SHARPIN: variants seen among roughly 807,000 people sequenced by gnomAD.
The protein encoded by SHARPIN is SHANK associated RH domain interactor.
SHARPIN carries 25 observed loss-of-function variants against 40.3 expected under a neutral mutation model. That is an observed-to-expected ratio of 0.62 (90% confidence interval 0.45 to 0.87). SHARPIN has a LOEUF of 0.87. Among genes scored for constraint, SHARPIN ranks in the 40% least tolerant of loss-of-function variants. The probability of loss-of-function intolerance (pLI) is 0.00; values close to 1 mark genes in which losing one functional copy is unlikely to be tolerated. For synonymous variants in SHARPIN, 274 were observed against 221.8 expected (o/e 1.24, Z -2.09); for missense variants, 551 against 516.1 (o/e 1.07, Z -0.66).
rs764157250 is a variant in SHARPIN at position 144,099,277 on chromosome 8, C to A, written c.922G>T (p.Ala308Ser). 1 of 1,613,968 alleles carries A rather than the reference C, an allele frequency of 6.2e-7. No homozygotes were observed. The highest frequency in any genetic ancestry group is 1.3e-5 in the African/African-American group (1 of 74,910). Residue 308 changes from alanine to serine, a missense_variant and splice_region_variant, in exon 6 of 9, where the codon GCC becomes TCC. By Grantham distance (99) the Ala-to-Ser change is moderately conservative. Coordinates refer to ENST00000398712, the MANE Select transcript of SHARPIN (RefSeq NM_030974.4). The part of the protein sequence containing the change: ...YLLSAPREAP[A>S]TGPSPQHPQK... ...CACCCCACCCCCATCGAGGACTGAC[C>A]TGGGGCTTCTCGAGGAGCTGACAGC...
Position 144,103,603 on chromosome 8 carries a change from C to A in SHARPIN, c.151G>T (p.Glu51Ter). The change falls in exon 1 of 9, where the codon GAG (glutamate) becomes TAG (stop). Residue 51 changes from glutamate to a stop codon, truncating the protein, a stop_gained. Coordinates refer to ENST00000398712, the MANE Select transcript of SHARPIN (RefSeq NM_030974.4). LOFTEE classifies it high-confidence loss of function. ...TCCAGCCGGAAGCGCCCAGGCCGCT[C>A]AGGGTCCGCGCTCAGCTGCAGCCTC... ...LRRLQLSADP[E>*]RPGRFRLELL... 6.5e-7 allele frequency: 1 copy of A among 1,530,586 alleles called. No individual in the cohort carries two copies. Among genetic ancestry groups the A allele is most frequent in the South Asian group, 1.2e-5 (1 of 83,814 alleles). 94.8% of individuals were successfully genotyped at this position (1,530,586 alleles called of 1,614,324 possible).
At chr8:144,102,944 C>A (rs967465009) in intron 2 of SHARPIN, 107 bp downstream of exon 2, 5 of 1,403,464 alleles carry the variant, frequency 3.6e-6, no homozygotes, top group Non-Finnish European at 4.0e-6. Flanking sequence ...CTCCTGGAAG[C>A]CTTCCCAGAC....
In SHARPIN at chr8:144,099,196, G is replaced by A. The variant is rs35844464; in HGVS notation, c.932C>T (p.Pro311Leu). The stretch of plus-strand genomic sequence containing the variant: ...CATCTTCTGGGGGTGCTGAGGGCTA[G>A]GTCCTGTGGCTGAGGGGGTGGAGCT... ...SAPREAPATG[P>L]SPQHPQKMDG... The change falls in exon 7 of 9, where the codon CCT (proline) becomes CTT (leucine). Residue 311 changes from proline (P) to leucine (L), a missense_variant. Coordinates refer to ENST00000398712, the MANE Select transcript of SHARPIN (RefSeq NM_030974.4). 1.2e-5 allele frequency: 20 copies of A among 1,604,902 alleles called. No individual in the cohort carries two copies. The highest frequency in any genetic ancestry group is 1.5e-5 in the Non-Finnish European group (18 of 1,176,532).
intron 1 of SHARPIN, 46 bp from the exon 2 acceptor site, chr8:144,103,271 A>G (rs752991344): frequency 1.9e-6 from 3 of 1,549,840 alleles, no homozygotes; most frequent in African/African-American, 2.7e-5. Flanking sequence ...CCCGCCCTAC[A>G]TCGCACGAGG....
chr8:144,099,015 G>A, intron 7 of SHARPIN, 21 bp from the exon 8 acceptor site: 1 of 1,597,244 alleles, frequency 6.3e-7, no homozygotes, highest in Non-Finnish European at 8.5e-7. Flanking sequence ...AGAGACAGTT[G>A]TTGCTTCCCT....
chr8:144,103,221 T>C lies in SHARPIN; in HGVS notation c.206A>G (p.Asn69Ser). The C allele has an allele frequency of 6.2e-7, 1 of 1,604,766 alleles. No individual in the cohort carries two copies. Among genetic ancestry groups the C allele is most frequent in the Non-Finnish European group, 8.5e-7 (1 of 1,175,340 alleles). The change falls in exon 2 of 9, where the codon AAT becomes AGT. Residue 69 changes from asparagine to serine, a missense_variant. Physicochemically the swap from Asn to Ser is conservative, Grantham distance 46. Coordinates refer to ENST00000398712, the MANE Select transcript of SHARPIN (RefSeq NM_030974.4). ...ELLGAGPGAV[N>S]LEWPLESVSY... ...AACTGACTCCAGGGGCCACTCCAAA[T>C]TAACCTGAGAAGAGGGAGAGTCCAG...
intron 1 of SHARPIN, 138 bp from the exon 2 acceptor site, chr8:144,103,363 G>T: frequency 8.9e-7 from 1 of 1,128,274 alleles, no homozygotes; most frequent in Non-Finnish European, 1.2e-6. Context: ...CCTCACAATA[G>T]CCCTGTAAAG....
intron 2 of SHARPIN, 175 bp downstream of exon 2, chr8:144,102,876 A>T (rs1836316370): frequency 1.3e-6 from 1 of 752,064 alleles, no homozygotes; most frequent in African/African-American, 1.8e-5. Context: ...ATGGTGTAGG[A>T]GACTGACTCC....
rs1482965581 is a variant in SHARPIN at position 144,103,767 on chromosome 8, G to A, written c.-14C>T. The A allele has an allele frequency of 5.9e-6, 8 of 1,358,048 alleles. 1 individual carries two copies. The Admixed American group carries it at 2.3e-4, about 40-fold the overall frequency. 84.1% of individuals were successfully genotyped at this position (1,358,048 alleles called of 1,614,324 possible). On this transcript the variant is annotated 5_prime_UTR_variant, in exon 1 of 9. Coordinates refer to ENST00000398712, the MANE Select transcript of SHARPIN (RefSeq NM_030974.4). ...TGGCGGCGCCATCTCCGGTCCGGCC[G>A]GGTCCCACCCCTCCGAGCGCGCTTC...
At position 144,103,645 on chromosome 8, in the gene SHARPIN, C is replaced by G; in HGVS notation, c.109G>C (p.Ala37Pro). 6.6e-7 allele frequency: 1 copy of G among 1,524,732 alleles called. No homozygotes were observed. Among genetic ancestry groups the G allele is most frequent in the Non-Finnish European group, 8.8e-7 (1 of 1,142,818 alleles). The allele number at this position is 1,524,732 out of a possible 1,614,324, so 94.5% of individuals were successfully genotyped here. The change falls in exon 1 of 9, where the codon GCC becomes CCC. Residue 37 changes from alanine to proline, a missense_variant. Transcript: ENST00000398712. Reference sequence around the variant, plus strand: ...TGCAGCCTCCGCAGCTGTGCCTCGGCGTCTGGCCCGGCGCCCAGCGGCCTC... The same window carrying G: ...TGCAGCCTCCGCAGCTGTGCCTCGGGGTCTGGCCCGGCGCCCAGCGGCCTC... ...AVRPLGAGPDAEAQLRRLQLS... is the reference protein window; with the variant it reads ...AVRPLGAGPDPEAQLRRLQLS...
chr8:144,099,201 T>C lies in SHARPIN; in HGVS notation c.927A>G (p.Thr309=). The change falls in exon 7 of 9, where the codon ACA becomes ACG. Residue 309 remains threonine, a synonymous_variant. Transcript: ENST00000398712. ...LLSAPREAPA[T]GPSPQHPQKM... ...TCTGGGGGTGCTGAGGGCTAGGTCC[T>C]GTGGCTGAGGGGGTGGAGCTCAGGA... is the stretch of plus-strand genomic sequence containing the variant. The C allele has an allele frequency of 1.2e-6, 2 of 1,606,004 alleles. No homozygotes were observed. The highest frequency in any genetic ancestry group is 1.3e-5 in the African/African-American group (1 of 74,614).
rs1168603246 is a variant in SHARPIN, at chr8:144,103,182, C to G, written c.245G>C (p.Arg82Pro). Residue 82 changes from arginine (R) to proline (P), a missense_variant, in exon 2 of 9, where the codon CGA becomes CCA. Coordinates refer to ENST00000398712, the MANE Select transcript of SHARPIN (RefSeq NM_030974.4). ...WPLESVSYTI[R>P]GPTQHELQPP... Reference sequence around the variant, plus strand: ...CTGTAGCTCGTGCTGGGTGGGGCCTCGGATGGTGTAGGAAACTGACTCCAG... The same window carrying G: ...CTGTAGCTCGTGCTGGGTGGGGCCTGGGATGGTGTAGGAAACTGACTCCAG... The G allele has an allele frequency of 6.2e-7, 1 of 1,613,252 alleles. No individual in the cohort carries two copies. The highest frequency in any genetic ancestry group is 1.1e-5 in the South Asian group (1 of 91,054).
chr8:144,102,948 CCCAGA>C, intron 2 of SHARPIN, 98 bp downstream of exon 2: 1 of 1,444,772 alleles, frequency 6.9e-7, no homozygotes, highest in Non-Finnish European at 9.7e-7. Context: ...TGGAAGCCTT[CCCAGA>C]CATCCAGCAG....
At position 144,099,918 on chromosome 8, in the gene SHARPIN, C is replaced by A; in HGVS notation, c.517+11G>T. 2 of 1,609,186 alleles carry A rather than the reference C, an allele frequency of 1.2e-6. No individual in the cohort carries two copies. The highest frequency in any genetic ancestry group is 2.2e-5 in the East Asian group (1 of 44,770). On this transcript the variant is annotated intron_variant, in intron 3 of 8. Coordinates refer to ENST00000398712, the MANE Select transcript of SHARPIN (RefSeq NM_030974.4). ...TCCCCGAACCCCCCAACCCCCTCCC[C>A]CCACCTGTACCTCTCTCCGTCAAGT...
At chr8:144,102,995 G>C in intron 2 of SHARPIN, 56 bp downstream of exon 2, 1 of 1,606,272 alleles carries the variant, frequency 6.2e-7, no homozygotes, top group South Asian at 1.1e-5. Flanking sequence ...CCCCAACCAG[G>C]ACTGGGGGGC....
Position 144,099,564 on chromosome 8 carries a change from T to C in SHARPIN, c.714A>G (p.Ala238=), listed in dbSNP as rs779415875. 3.1e-6 allele frequency: 5 copies of C among 1,614,082 alleles called. No individual in the cohort carries two copies. The Admixed American group carries it at 5.0e-5, about 16-fold the overall frequency. Reference sequence around the variant, plus strand: ...GGGGGTGGACCTGCAGGGCAACGTGTGCAGAGGACGCGGCGGATGCGGCAG... The same window carrying C: ...GGGGGTGGACCTGCAGGGCAACGTGCGCAGAGGACGCGGCGGATGCGGCAG... ...AASAASAASS[A]HVALQVHPHC... Residue 238 remains alanine, a synonymous_variant, in exon 5 of 9, where the codon GCA becomes GCG. Transcript: ENST00000398712.
At position 144,100,049 on chromosome 8, in the gene SHARPIN, G is replaced by A; in HGVS notation, c.397C>T (p.Pro133Ser). ...GGGCATGCTTCTGGGCCCAAGGCTGGTGGTGAGTTGCTCTTGCTGCCTAGA... is the reference window on the plus strand; with the variant it reads ...GGGCATGCTTCTGGGCCCAAGGCTGATGGTGAGTTGCTCTTGCTGCCTAGA... ...GQNGSKSNSP[P>S]ALGPEACPVS... is the part of the protein sequence containing the mutation. Residue 133 changes from proline (P) to serine (S), a missense_variant, in exon 3 of 9, where the codon CCA (proline) becomes TCA (serine). Coordinates refer to ENST00000398712, the MANE Select transcript of SHARPIN (RefSeq NM_030974.4). 1 of 1,582,710 alleles carries A rather than the reference G, an allele frequency of 6.3e-7. No homozygotes were observed. The highest frequency in any genetic ancestry group is 1.2e-5 in the South Asian group (1 of 85,848).
At position 144,099,586 on chromosome 8, in the gene SHARPIN, G is replaced by A. The variant is rs200412533; in HGVS notation, c.692C>T (p.Ala231Val). ...LQVTLEDAAS[A>V]ASAASSAHVA... ...GTGTGCAGAGGACGCGGCGGATGCG[G>A]CAGAGGCAGCGTCTTCAAGTGTGAC... The change falls in exon 5 of 9, where the codon GCC (alanine) becomes GTC (valine). Residue 231 changes from alanine to valine, a missense_variant. Ala to Val is a moderately conservative substitution (Grantham distance 64). Coordinates refer to ENST00000398712, the MANE Select transcript of SHARPIN (RefSeq NM_030974.4). 30 of 1,614,050 alleles carry A rather than the reference G, an allele frequency of 1.9e-5. No individual in the cohort carries two copies. The East Asian group carries it at 6.7e-4, about 36-fold the overall frequency.
At chr8:144,103,248 C>G (rs1260059340) in intron 1 of SHARPIN, 23 bp from the exon 2 acceptor site, 1 of 1,577,160 alleles carries the variant, frequency 6.3e-7, no homozygotes, top group African/African-American at 1.4e-5. Context: ...AGAGTCCAGG[C>G]TCAGGGCGTC....
Sources: gnomAD v4.1 joint callset for allele counts on GRCh38, gnomAD v4.1.1 for gene constraint, MANE v1.5 for transcripts, NCBI Gene and HGNC (gene_info 2026-07-23, HGNC 2026-07-21) for gene names.